The following PIK3CB variants were observed in gnomAD, a reference collection of about 807,000 sequenced individuals.
The protein encoded by PIK3CB is phosphatidylinositol-4,5-bisphosphate 3-kinase catalytic subunit beta.
A neutral mutation model predicts 136.8 loss-of-function variants in PIK3CB; 39 were observed. That is an observed-to-expected ratio of 0.29 (90% CI 0.22 to 0.37). The LOEUF (loss-of-function observed/expected upper bound fraction) is 0.37. Ranked by LOEUF, PIK3CB falls within the 10% of genes least tolerant of loss-of-function variation. PIK3CB has a pLI of 1.00. For synonymous variants in PIK3CB, 428 were observed against 436.6 expected (o/e 0.98, Z 0.25); for missense variants, 868 against 1,275.4 (o/e 0.68, Z 4.87).
rs1022711664 is a variant in PIK3CB at position 138,683,585 on chromosome 3, C to T, written c.2425+93G>A. On this transcript the variant is annotated intron_variant, in intron 18 of 23. Transcript: ENST00000674063. ...CTACCTTCCTGGCTGCAAATTGTTACACACTTACACTACACATCACCTTTC... is the reference window on the plus strand; with the variant it reads ...CTACCTTCCTGGCTGCAAATTGTTATACACTTACACTACACATCACCTTTC... The T allele has an allele frequency of 3.1e-5, 22 of 714,820 alleles. No individual in the cohort carries two copies. In the African/African-American group the frequency reaches 3.5e-4, roughly 11 times the overall value. 44.3% of individuals were successfully genotyped at this position (714,820 alleles called of 1,614,324 possible). A position where few individuals can be genotyped will look rare whatever the true frequency, so the allele number is the denominator to read the frequency against.
intron 4 of PIK3CB, among the ~76,000 whole-genome samples, chr3:138,744,665 C>A (rs1412193309): frequency 6.6e-6 from 1 of 152,092 alleles, no homozygotes; most frequent in Non-Finnish European, 1.5e-5. Flanking sequence ...ACCAATCCTA[C>A]CACTGTTTGC....
intron 10 of PIK3CB, 100 bp downstream of exon 10, chr3:138,712,107 TA>T: frequency 3.8e-6 from 2 of 521,692 alleles, no homozygotes; most frequent in Non-Finnish European, 6.7e-6. Context: ...ATGATAATTT[TA>T]TTTATTAAAT....
intron 2 of PIK3CB, among the ~76,000 whole-genome samples, chr3:138,776,061 G>T (rs1056980095): frequency 6.6e-6 from 1 of 152,128 alleles, no homozygotes; most frequent in African/African-American, 2.4e-5. Flanking sequence ...AGCCGGGCGT[G>T]GTGGCGTGTG....
At chr3:138,707,552 C>T (rs2044405221) in intron 10 of PIK3CB, 2 of 1,201,732 alleles carry the variant, frequency 1.7e-6, no homozygotes, top group Non-Finnish European at 1.0e-6. Context: ...ATTTAGTTCT[C>T]AATCTTGAAA....
chr3:138,778,292 G>A, intron 2 of PIK3CB: 1 of 378,202 alleles, frequency 2.6e-6, no homozygotes, highest in South Asian at 2.0e-5. Flanking sequence ...TAACTGCTTA[G>A]CACCACTGGC....
chr3:138,658,965 T>A (rs1008101281), intron 21 of PIK3CB, among the ~76,000 whole-genome samples: 1 of 152,244 alleles, frequency 6.6e-6, no homozygotes, highest in Non-Finnish European at 1.5e-5. Context: ...TGCAGAGCCA[T>A]CATCCTGGGC....
intron 22 of PIK3CB, among the ~76,000 whole-genome samples, chr3:138,657,021 C>T (rs2043203139): frequency 6.6e-6 from 1 of 152,152 alleles, no homozygotes; most frequent in Non-Finnish European, 1.5e-5. Flanking sequence ...TGTGCCTTGG[C>T]CTCCCAAAGT....
chr3:138,679,170 G>A (rs1387605636), intron 19 of PIK3CB, among the ~76,000 whole-genome samples: 1 of 152,150 alleles, frequency 6.6e-6, no homozygotes, highest in African/African-American at 2.4e-5. Flanking sequence ...AATTATAATA[G>A]GAGCTTGTAA....
intron 2 of PIK3CB, among the ~76,000 whole-genome samples, chr3:138,766,173 AT>A (rs1272944189): frequency 6.6e-6 from 1 of 152,148 alleles, no homozygotes; most frequent in Non-Finnish European, 1.5e-5. Context: ...GTTTCTGAAA[AT>A]GATGTATTTT....
chr3:138,785,552 C>G (rs1167880299), intron 2 of PIK3CB, among the ~76,000 whole-genome samples: 1 of 152,078 alleles, frequency 6.6e-6, no homozygotes, highest in Non-Finnish European at 1.5e-5. Flanking sequence ...TGTGCTGTGT[C>G]CACTCAGGGT....
At chr3:138,757,445 A>G (rs1052645511) in intron 3 of PIK3CB, among the ~76,000 whole-genome samples, 25 of 150,436 alleles carry the variant, frequency 1.7e-4, no homozygotes, top group African/African-American at 5.9e-4. Flanking sequence ...ACAATGAGAT[A>G]CCACTTCACA....
chr3:138,808,335 T>C (rs950756935), intron 1 of PIK3CB, among the ~76,000 whole-genome samples: 2 of 152,042 alleles, frequency 1.3e-5, no homozygotes, highest in Admixed American at 1.3e-4. Context: ...TGTAAACCTA[T>C]AAAACATTTA....
intron 22 of PIK3CB, chr3:138,657,455 T>C (rs1413203506): frequency 1.4e-5 from 6 of 431,830 alleles, no homozygotes; most frequent in South Asian, 3.2e-5. Flanking sequence ...TAAAAGGTAG[T>C]ATATTATTGG....
In PIK3CB at chr3:138,733,353, G is replaced by A. The variant is rs757412579; in HGVS notation, c.1050+8C>T. On this transcript the variant is annotated splice_region_variant and intron_variant, in intron 8 of 23. Transcript: ENST00000674063. Reference sequence around the variant, plus strand: ...GGATGGCAAATTCAAATCTTAGTGGGTACTCACTTTTACAGTTTCCTCTGT... The same window carrying A: ...GGATGGCAAATTCAAATCTTAGTGGATACTCACTTTTACAGTTTCCTCTGT... 10 of 1,362,998 alleles carry A rather than the reference G, an allele frequency of 7.3e-6. No individual in the cohort carries two copies. Among genetic ancestry groups the A allele is most frequent in the Non-Finnish European group, 8.3e-6 (8 of 961,810 alleles). 84.4% of individuals were successfully genotyped at this position (1,362,998 alleles called of 1,614,324 possible). A position where few individuals can be genotyped will look rare whatever the true frequency, so the allele number is the denominator to read the frequency against.
At chr3:138,767,870 G>A (rs2108755723) in intron 2 of PIK3CB, among the ~76,000 whole-genome samples, 1 of 152,342 alleles carries the variant, frequency 6.6e-6, no homozygotes, top group South Asian at 2.1e-4. Flanking sequence ...CTGGCTCGGG[G>A]AGTTCCCAGG....
At chr3:138,722,676 G>A (rs2044752404) in intron 8 of PIK3CB, among the ~76,000 whole-genome samples, 1 of 149,938 alleles carries the variant, frequency 6.7e-6, no homozygotes, top group Non-Finnish European at 1.5e-5. Flanking sequence ...AATTAGGGAT[G>A]AGCTGCTATA....
chr3:138,712,447 T>C (rs1055038440), intron 9 of PIK3CB, 143 bp from the exon 10 acceptor site: 1 of 434,266 alleles, frequency 2.3e-6, no homozygotes, highest in Middle Eastern at 4.3e-4. Context: ...GAACAAGATA[T>C]ACATAGAAAA....
chr3:138,701,389 T>C (rs544853152), intron 12 of PIK3CB, among the ~76,000 whole-genome samples: 2 of 152,096 alleles, frequency 1.3e-5, no homozygotes, highest in South Asian at 2.1e-4. Context: ...CTGTAGATTA[T>C]ATAGAACTGA....
intron 8 of PIK3CB, among the ~76,000 whole-genome samples, chr3:138,717,278 G>A (rs550395101): frequency 4.5e-4 from 68 of 151,244 alleles, no homozygotes; most frequent in African/African-American, 1.6e-3. Flanking sequence ...AAAAGAAGTA[G>A]TTTATAGTGG....
Sources: gnomAD v4.1 joint callset for allele counts (sites outside exome capture counted in the v4.1 genomes callset) on GRCh38, gnomAD v4.1.1 for gene constraint, MANE v1.5 for transcripts, NCBI Gene and HGNC (gene_info 2026-07-23, HGNC 2026-07-21) for gene names.